Variants in CALD1 observed in about 807,000 individuals in gnomAD.
CALD1 encodes the protein caldesmon 1, also known as caldesmon.
In CALD1, 33 loss-of-function variants were observed where a neutral mutation model predicts 99.9. That is an observed-to-expected ratio of 0.33 (90% CI 0.25 to 0.44). The LOEUF (loss-of-function observed/expected upper bound fraction) is 0.44, where lower values mean the gene tolerates loss of function less well. CALD1 is among the 20% of genes least tolerant of loss of function. The probability of loss-of-function intolerance (pLI) is 1.00; values close to 1 mark genes in which losing one functional copy is unlikely to be tolerated. For synonymous variants in CALD1, 310 were observed against 325.0 expected (o/e 0.95, Z 0.50); for missense variants, 861 against 962.1 (o/e 0.89, Z 1.39).
At chr7:134,833,913 A>T (rs1033473280) in intron 1 of CALD1, among the ~76,000 whole-genome samples, 3 of 152,204 alleles carry the variant, frequency 2.0e-5, no homozygotes, top group Non-Finnish European at 4.4e-5. Context: ...CTTTTCCCCC[A>T]TATGAGGAAT....
intron 3 of CALD1, among the ~76,000 whole-genome samples, chr7:134,869,524 GA>G (rs1246795363): frequency 6.6e-6 from 1 of 152,168 alleles, no homozygotes; most frequent in Non-Finnish European, 1.5e-5. Context: ...TTTACAGAGG[GA>G]GAATTAGCAA....
chr7:134,948,607 A>AAT (rs1418541627), intron 8 of CALD1, among the ~76,000 whole-genome samples: 1 of 152,166 alleles, frequency 6.6e-6, no homozygotes, highest in Non-Finnish European at 1.5e-5. Flanking sequence ...AGAATCAGTA[A>AAT]GGAGACCCCG....
chr7:134,793,048 C>T (rs1401236398), intron 1 of CALD1, among the ~76,000 whole-genome samples: 1 of 152,210 alleles, frequency 6.6e-6, no homozygotes, highest in South Asian at 2.1e-4. Flanking sequence ...TATGAAACCA[C>T]GGCGGCAGAC....
intron 3 of CALD1, among the ~76,000 whole-genome samples, chr7:134,882,949 G>T (rs565993697): frequency 1.1e-3 from 166 of 152,198 alleles, no homozygotes; most frequent in African/African-American, 3.9e-3. Flanking sequence ...TTTATAAATG[G>T]TTTATGCTCC....
chr7:134,936,329 G>T (rs1415300406), intron 6 of CALD1, among the ~76,000 whole-genome samples: 1 of 152,164 alleles, frequency 6.6e-6, no homozygotes, highest in Non-Finnish European at 1.5e-5. Flanking sequence ...CGGGTGCCAG[G>T]GTATTTGACT....
intron 3 of CALD1, among the ~76,000 whole-genome samples, chr7:134,923,451 T>C (rs1033132337): frequency 6.6e-6 from 1 of 152,250 alleles, no homozygotes; most frequent in Non-Finnish European, 1.5e-5. Context: ...GATCCCACAC[T>C]CCTTCTGAAT....
At chr7:134,789,206 A>G (rs1797425304) in intron 1 of CALD1, among the ~76,000 whole-genome samples, 1 of 152,162 alleles carries the variant, frequency 6.6e-6, no homozygotes, top group Admixed American at 6.5e-5. Flanking sequence ...AAAATAAGTT[A>G]TCTTCATAAC....
chr7:134,858,015 C>T (rs1002169454), intron 2 of CALD1, among the ~76,000 whole-genome samples: 1 of 151,760 alleles, frequency 6.6e-6, no homozygotes, highest in East Asian at 1.9e-4. Context: ...CTCTGTATCA[C>T]TAAACTGGAA....
chr7:134,837,823 T>G (rs965106573), intron 1 of CALD1, among the ~76,000 whole-genome samples: 2 of 152,230 alleles, frequency 1.3e-5, no homozygotes, highest in Admixed American at 6.5e-5. Flanking sequence ...GCGTAGTAAT[T>G]ACTATCCTCA....
intron 1 of CALD1, among the ~76,000 whole-genome samples, chr7:134,757,039 A>G (rs951203950): frequency 3.9e-5 from 6 of 152,058 alleles, no homozygotes; most frequent in African/African-American, 1.4e-4. Flanking sequence ...GGCATATGGT[A>G]TTAGAACTTG....
chr7:134,915,914 A>T (rs1804170500), intron 3 of CALD1, among the ~76,000 whole-genome samples: 1 of 152,184 alleles, frequency 6.6e-6, no homozygotes, highest in East Asian at 1.9e-4. Flanking sequence ...CTGATTTAGG[A>T]AGATGATCTA....
chr7:134,714,348 C>T, the CALD1 span, among the ~76,000 whole-genome samples: 1 of 152,186 alleles, frequency 6.6e-6, no homozygotes, highest in Non-Finnish European at 1.5e-5. Context: ...GTAGATAGAT[C>T]CCATGCTCCT....
intron 1 of CALD1, among the ~76,000 whole-genome samples, chr7:134,823,242 G>A (rs890793226): frequency 3.3e-5 from 5 of 152,220 alleles, no homozygotes; most frequent in Non-Finnish European, 5.9e-5. Context: ...AAAATATCTC[G>A]ATATTTACAT....
At chr7:134,831,571 G>A (rs1035331398) in intron 1 of CALD1, among the ~76,000 whole-genome samples, 54 of 151,924 alleles carry the variant, frequency 3.6e-4, no homozygotes, top group Admixed American at 2.0e-4. Flanking sequence ...TGCCCACCTC[G>A]GCCTCCCAAA....
At chr7:134,830,326 A>G (rs1799170096) in intron 1 of CALD1, among the ~76,000 whole-genome samples, 1 of 152,188 alleles carries the variant, frequency 6.6e-6, no homozygotes, top group African/African-American at 2.4e-5. Flanking sequence ...AGTTGATTTT[A>G]ATAATTTAAT....
chr7:134,851,506 G>A (rs1276009278), intron 2 of CALD1, among the ~76,000 whole-genome samples: 1 of 152,182 alleles, frequency 6.6e-6, no homozygotes, highest in African/African-American at 2.4e-5. Context: ...TAATGTCAGA[G>A]CTGGCCAAGA....
At chr7:134,716,061 A>G in the CALD1 span, among the ~76,000 whole-genome samples, 1 of 152,144 alleles carries the variant, frequency 6.6e-6, no homozygotes, top group Admixed American at 6.5e-5. Flanking sequence ...GCAGCCATAC[A>G]ATGGTATTTT....
At chr7:134,867,062 G>C (rs1800833581) in intron 2 of CALD1, 2 of 152,228 alleles carry the variant, frequency 1.3e-5, no homozygotes, top group South Asian at 4.1e-4. Flanking sequence ...AAAATGGTTG[G>C]GTTACATCTG....
chr7:134,916,640 G>A (rs909213667), intron 3 of CALD1, among the ~76,000 whole-genome samples: 3 of 152,210 alleles, frequency 2.0e-5, no homozygotes, highest in Non-Finnish European at 4.4e-5. Flanking sequence ...TGGCATGTCT[G>A]CAATACCACT....
Sources: gnomAD v4.1 joint callset for allele counts (sites outside exome capture counted in the v4.1 genomes callset) on GRCh38, gnomAD v4.1.1 for gene constraint, MANE v1.5 for transcripts, NCBI Gene and HGNC (gene_info 2026-07-23, HGNC 2026-07-21) for gene names.